Variants in DLGAP2 observed in about 807,000 individuals in gnomAD.
DLGAP2 encodes the protein disks large-associated protein 2.
Under a neutral mutation model 100.3 loss-of-function variants are expected in DLGAP2, and 26 were observed. That is an observed-to-expected ratio of 0.26 (90% CI 0.19 to 0.36). The LOEUF is 0.36. Ranked by LOEUF, DLGAP2 falls within the 10% of genes least tolerant of loss-of-function variation. DLGAP2 has a pLI of 1.00. For missense variants in DLGAP2, 1,858 were observed against 1,453.2 expected, an observed-to-expected ratio of 1.28 and a Z score of -4.53; for synonymous variants, 886 against 630.1, an observed-to-expected ratio of 1.41 and a Z score of -6.08.
At chr8:1,087,219 A>G (rs1324202392) in intron 2 of DLGAP2, among the ~76,000 whole-genome samples, 5 of 152,268 alleles carry the variant, frequency 3.3e-5, no homozygotes, top group Non-Finnish European at 7.3e-5. Context: ...TATGAGATGC[A>G]GCAAAAGCAA....
At chr8:1,325,912 G>T (rs1801011121) in intron 3 of DLGAP2, among the ~76,000 whole-genome samples, 1 of 152,104 alleles carries the variant, frequency 6.6e-6, no homozygotes, top group Non-Finnish European at 1.5e-5. Flanking sequence ...AATCTTTATT[G>T]TAGTGGTAAC....
intron 2 of DLGAP2, among the ~76,000 whole-genome samples, chr8:1,236,950 G>C (rs1239408147): frequency 7.0e-6 from 1 of 143,040 alleles, no homozygotes; most frequent in Non-Finnish European, 1.5e-5. Flanking sequence ...ACATGGCGCC[G>C]TGTCTAGTTC....
chr8:1,256,348 C>CTCA (rs1268117560), intron 2 of DLGAP2, among the ~76,000 whole-genome samples: 1 of 130,516 alleles, frequency 7.7e-6, no homozygotes, highest in Non-Finnish European at 1.5e-5. Flanking sequence ...TGTGTGTCCT[C>CTCA]TCCTGCCCGG....
chr8:770,277 CAG>C (rs1488143222), intron 1 of DLGAP2, among the ~76,000 whole-genome samples: 2 of 152,080 alleles, frequency 1.3e-5, no homozygotes, highest in Non-Finnish European at 2.9e-5. Flanking sequence ...GTGCGTGGCT[CAG>C]AGGGAGGATG....
At chr8:1,337,934 G>T (rs77895624) in intron 3 of DLGAP2, among the ~76,000 whole-genome samples, 4,018 of 152,260 alleles carry the variant, frequency 0.026, 70 homozygotes, top group Middle Eastern at 0.078. Context: ...TAAGTACAGG[G>T]AAGCTCAACA....
chr8:1,658,608 T>C (rs1176777863), intron 8 of DLGAP2, among the ~76,000 whole-genome samples: 1 of 152,216 alleles, frequency 6.6e-6, no homozygotes, highest in African/African-American at 2.4e-5. Flanking sequence ...CATTCCCTTC[T>C]AGATTTTCTA....
At chr8:849,081 TTGTGGTGCA>T (rs1797130626) in intron 1 of DLGAP2, among the ~76,000 whole-genome samples, 1 of 151,088 alleles carries the variant, frequency 6.6e-6, no homozygotes, top group African/African-American at 2.4e-5. Context: ...GTATAGAATC[TTGTGGTGCA>T]TGTTCCAGTA....
intron 1 of DLGAP2, among the ~76,000 whole-genome samples, chr8:906,951 A>T (rs1798393659): frequency 6.6e-6 from 1 of 152,154 alleles, no homozygotes; most frequent in South Asian, 2.1e-4. Flanking sequence ...ATATAGAAGA[A>T]TTGGCGGGGA....
intron 6 of DLGAP2, among the ~76,000 whole-genome samples, chr8:1,570,526 T>A (rs1382728537): frequency 6.6e-6 from 1 of 152,260 alleles, no homozygotes; most frequent in East Asian, 1.9e-4. Context: ...CATTCCCACC[T>A]AAGCTTTGAG....
chr8:783,017 A>G (rs73539410), intron 1 of DLGAP2, among the ~76,000 whole-genome samples: 1,817 of 152,338 alleles, frequency 0.012, 50 homozygotes, highest in African/African-American at 0.041. Flanking sequence ...CAGTGACCGC[A>G]TGACCGCATG....
intron 4 of DLGAP2, among the ~76,000 whole-genome samples, chr8:1,533,151 A>AG (rs1445412757): frequency 3.3e-5 from 5 of 151,588 alleles, no homozygotes; most frequent in Admixed American, 6.6e-5. Flanking sequence ...AAAAAAAAAA[A>AG]GATTAACGGC....
At chr8:1,645,544 AT>A (rs1798021540) in intron 8 of DLGAP2, among the ~76,000 whole-genome samples, 2 of 152,092 alleles carry the variant, frequency 1.3e-5, no homozygotes, top group Non-Finnish European at 2.9e-5. Context: ...CTGTATATTT[AT>A]TTTTTCCCTG....
At chr8:1,047,763 G>T (rs1270917202) in intron 2 of DLGAP2, among the ~76,000 whole-genome samples, 1 of 152,004 alleles carries the variant, frequency 6.6e-6, no homozygotes, top group Non-Finnish European at 1.5e-5. Context: ...CAGCCTTCAT[G>T]CCCTAATCAC....
rs1799684951 is a variant in DLGAP2, at chr8:1,705,572, A to T, written c.*4166A>T. On this transcript the variant is annotated 3_prime_UTR_variant, in exon 15 of 15. Coordinates refer to ENST00000637795, the MANE Select transcript of DLGAP2 (RefSeq NM_001346810.2). ...GCTGGTTCGGGGAGGGCCCCTGGAT[A>T]CTGCCTTTGGCCCACACTGAAAACT... 1 of 152,336 alleles carries T rather than the reference A, an allele frequency of 6.6e-6. No individual in the cohort carries two copies. 9.4% of individuals were successfully genotyped at this position (152,336 alleles called of 1,614,324 possible). A position where few individuals can be genotyped will look rare whatever the true frequency, so the allele number is the denominator to read the frequency against.
chr8:1,316,013 A>G (rs1158990523), intron 3 of DLGAP2, among the ~76,000 whole-genome samples: 2 of 138,214 alleles, frequency 1.4e-5, no homozygotes, highest in Non-Finnish European at 3.2e-5. Context: ...CGTCTCTCCA[A>G]CAGTGGTCTA....
At chr8:1,018,257 C>T (rs1378882138) in intron 2 of DLGAP2, among the ~76,000 whole-genome samples, 1 of 152,152 alleles carries the variant, frequency 6.6e-6, no homozygotes. Flanking sequence ...GACTCTGACA[C>T]CATAGGACTT....
chr8:1,428,463 A>G lies in DLGAP2; in HGVS notation c.107-72903A>G, dbSNP rs543404462. On this transcript the variant is annotated intron_variant, in intron 3 of 14. Transcript: ENST00000637795. Reference sequence around the variant, plus strand: ...GAGTGAGTATGTGCCAGGGAATACAAAAGAGGGGAAAGCTACTTGGCTAAC... The same window carrying G: ...GAGTGAGTATGTGCCAGGGAATACAGAAGAGGGGAAAGCTACTTGGCTAAC... 4.3e-4 allele frequency among the ~76,000 whole-genome samples: 65 copies of G among 152,240 alleles called. 2 individuals are homozygous for G. The highest frequency in any genetic ancestry group is 1.5e-3 in the African/African-American group (62 of 41,542).
intron 2 of DLGAP2, among the ~76,000 whole-genome samples, chr8:1,020,989 A>C (rs1224464258): frequency 6.6e-6 from 1 of 152,178 alleles, no homozygotes; most frequent in Non-Finnish European, 1.5e-5. Flanking sequence ...AGTGTTATGC[A>C]CCTTTTATAG....
chr8:1,048,117 C>G lies in DLGAP2; in HGVS notation c.73+140151C>G, dbSNP rs1406764738. On this transcript the variant is annotated intron_variant, in intron 2 of 14. Coordinates refer to ENST00000637795, the MANE Select transcript of DLGAP2 (RefSeq NM_001346810.2). The stretch of plus-strand genomic sequence containing the variant: ...AGTATTTGACCTTGTGAGAGTTGTT[C>G]AACTCCCTAAGCCTCAGATTTTTAA... Among the ~76,000 whole-genome samples the G allele has an allele frequency of 2.0e-5, 3 of 152,290 alleles. No individual in the cohort carries two copies. The East Asian group carries it at 5.8e-4, about 29-fold the overall frequency.
Sources: allele counts gnomAD v4.1 joint callset (sites outside exome capture counted in the v4.1 genomes callset), GRCh38; gene constraint gnomAD v4.1.1; transcripts MANE v1.5; gene names NCBI Gene and HGNC (gene_info 2026-07-23, HGNC 2026-07-21).